Variants in KANSL1L observed in about 807,000 individuals in gnomAD.
KANSL1L encodes the protein KAT8 regulatory NSL complex subunit 1-like protein.
A neutral mutation model predicts 108.6 loss-of-function variants in KANSL1L; 25 were observed. The ratio of observed to expected loss-of-function variants is 0.23; its 90% CI spans 0.17 to 0.32. The LOEUF (loss-of-function observed/expected upper bound fraction) is 0.32, where lower values mean the gene tolerates loss of function less well. KANSL1L is among the 10% of genes least tolerant of loss of function. The pLI is 1.00. For missense variants in KANSL1L, 1,137 were observed against 1,125.7 expected, an observed-to-expected ratio of 1.01 and a Z score of -0.14; for synonymous variants, 405 against 395.1, an observed-to-expected ratio of 1.03 and a Z score of -0.30.
intron 6 of KANSL1L, among the ~76,000 whole-genome samples, chr2:210,065,579 ATTTTT>A (rs57999970): frequency 1.5e-5 from 1 of 64,906 alleles, no homozygotes. Context: ...CCTGGACATG[ATTTTT>A]TTTTTTTTTT....
chr2:210,053,610 G>GA (rs1376250944), intron 6 of KANSL1L, among the ~76,000 whole-genome samples: 7 of 150,778 alleles, frequency 4.6e-5, no homozygotes, highest in Non-Finnish European at 1.0e-4. Context: ...CAAACAAACA[G>GA]AAAAAAAATA....
intron 3 of KANSL1L, among the ~76,000 whole-genome samples, chr2:210,112,482 T>A (rs2094917883): frequency 6.6e-6 from 1 of 152,118 alleles, no homozygotes; most frequent in Non-Finnish European, 1.5e-5. Flanking sequence ...CAAACTAGAA[T>A]TTAACACCAA....
At chr2:210,162,065 A>G (rs1471637065) in intron 1 of KANSL1L, among the ~76,000 whole-genome samples, 3 of 109,674 alleles carry the variant, frequency 2.7e-5, no homozygotes, top group Non-Finnish European at 6.0e-5. Context: ...TCTCTATTTA[A>G]AAAAAAAAAA....
chr2:210,033,661 C>G (rs1193272358), intron 8 of KANSL1L, among the ~76,000 whole-genome samples: 2 of 150,968 alleles, frequency 1.3e-5, no homozygotes, highest in Non-Finnish European at 2.9e-5. Context: ...TCCCGAGTAG[C>G]TGGGACTACA....
At chr2:210,080,783 C>G (rs1384843111) in intron 5 of KANSL1L, among the ~76,000 whole-genome samples, 1 of 151,982 alleles carries the variant, frequency 6.6e-6, no homozygotes, top group Admixed American at 6.6e-5. Flanking sequence ...CTTTTGTGGT[C>G]TTAGACAAAG....
intron 6 of KANSL1L, among the ~76,000 whole-genome samples, chr2:210,049,314 C>T (rs1321172575): frequency 6.8e-6 from 1 of 147,486 alleles, no homozygotes; most frequent in African/African-American, 2.5e-5. Context: ...CCACACTTCT[C>T]TTTCCTCTCC....
At chr2:210,094,668 T>A (rs911334638) in intron 5 of KANSL1L, among the ~76,000 whole-genome samples, 3 of 152,048 alleles carry the variant, frequency 2.0e-5, no homozygotes, top group Non-Finnish European at 4.4e-5. Context: ...TTCTCAAACA[T>A]GAGTAACATT....
At position 210,073,658 on chromosome 2, in the gene KANSL1L, T is replaced by C. The variant is rs1012535298; in HGVS notation, c.1755+1894A>G. Among the ~76,000 whole-genome samples, 12 of 152,134 alleles carry C rather than the reference T, an allele frequency of 7.9e-5. No homozygotes were observed. In the East Asian group the frequency reaches 1.5e-3, roughly 20 times the overall value. ...ATAGATTTATAGAGCATTTGAATCATTACAGAAAGTTCTATGGTTCTCAAG... is the reference window on the plus strand; with the variant it reads ...ATAGATTTATAGAGCATTTGAATCACTACAGAAAGTTCTATGGTTCTCAAG... On this transcript the variant is annotated intron_variant, in intron 6 of 14. Transcript: ENST00000281772.
At position 210,154,103 on chromosome 2, in the gene KANSL1L, G is replaced by A. The variant is rs1356141691; in HGVS notation, c.480C>T (p.Asp160=). ...QIILDSNITK[D]TNVDKVQLQN... is the part of the protein sequence containing the mutation. ...GTAGTTGTACTTTATCTACATTAGT[G>A]TCTTTGGTTATATTTGAATCCAGAA... The change falls in exon 2 of 15, where the codon GAC becomes GAT. Residue 160 remains aspartate, a synonymous_variant. Transcript: ENST00000281772. 6.2e-7 allele frequency: 1 copy of A among 1,613,896 alleles called. No individual in the cohort carries two copies. Among genetic ancestry groups the A allele is most frequent in the South Asian group, 1.1e-5 (1 of 91,058 alleles).
chr2:210,043,691 A>C (rs1003613337), intron 7 of KANSL1L: 6 of 313,666 alleles, frequency 1.9e-5, no homozygotes, highest in East Asian at 1.0e-4. Flanking sequence ...AAAACCTAGT[A>C]ATTTCCCAAA....
chr2:210,058,022 G>C (rs1376923753), intron 6 of KANSL1L, among the ~76,000 whole-genome samples: 1 of 152,166 alleles, frequency 6.6e-6, no homozygotes, highest in Non-Finnish European at 1.5e-5. Flanking sequence ...AATGTTCAGG[G>C]AACAAGAGAG....
At chr2:210,121,171 T>C (rs992855955) in intron 3 of KANSL1L, among the ~76,000 whole-genome samples, 7 of 152,142 alleles carry the variant, frequency 4.6e-5, no homozygotes, top group Admixed American at 1.3e-4. Context: ...ATATATATCA[T>C]TCTATTATAA....
rs138977244 is a variant in KANSL1L, at chr2:210,031,487, T to C, written c.2089A>G (p.Arg697Gly). 2 of 1,578,686 alleles carry C rather than the reference T, an allele frequency of 1.3e-6. No homozygotes were observed. The highest frequency in any genetic ancestry group is 2.7e-5 in the African/African-American group (2 of 74,094). The part of the protein sequence containing the change: ...GYSPICKPQI[R>G]SESSAQLLQG... ...AACAGTTGTGCAGAAGATTCTGACC[T>C]TATTTGAGGCTTACATATAGGTGAA... Residue 697 changes from arginine to glycine, a missense_variant, in exon 9 of 15, where the codon AGG becomes GGG. By Grantham distance (125) the Arg-to-Gly change is moderately radical. Coordinates refer to ENST00000281772, the MANE Select transcript of KANSL1L (RefSeq NM_152519.4).
At chr2:210,121,396 C>G (rs1270197178) in intron 3 of KANSL1L, among the ~76,000 whole-genome samples, 1 of 152,122 alleles carries the variant, frequency 6.6e-6, no homozygotes, top group Non-Finnish European at 1.5e-5. Flanking sequence ...AACTCAGGAA[C>G]AGAAAACCAA....
chr2:210,130,229 C>G (rs1418007912), intron 2 of KANSL1L, among the ~76,000 whole-genome samples: 3 of 152,098 alleles, frequency 2.0e-5, no homozygotes, highest in Non-Finnish European at 4.4e-5. Flanking sequence ...GATATTAACA[C>G]TGGGAAAGGT....
At chr2:210,034,287 A>G (rs2094069281) in intron 8 of KANSL1L, among the ~76,000 whole-genome samples, 1 of 152,232 alleles carries the variant, frequency 6.6e-6, no homozygotes, top group Non-Finnish European at 1.5e-5. Context: ...AGAATGTATA[A>G]GAGTGCTAGT....
intron 6 of KANSL1L, among the ~76,000 whole-genome samples, chr2:210,049,317 T>G (rs953551642): frequency 1.3e-5 from 2 of 151,668 alleles, no homozygotes; most frequent in African/African-American, 4.8e-5. Context: ...CACTTCTCTT[T>G]CCTCTCCCTT....
intron 6 of KANSL1L, among the ~76,000 whole-genome samples, chr2:210,068,329 T>C (rs577286441): frequency 6.6e-6 from 1 of 152,286 alleles, no homozygotes; most frequent in African/African-American, 2.4e-5. Context: ...AATATATACA[T>C]ATATTCAGGA....
intron 3 of KANSL1L, among the ~76,000 whole-genome samples, chr2:210,127,035 T>TA (rs200203456): frequency 0.011 from 1,628 of 149,986 alleles, 25 homozygotes; most frequent in African/African-American, 0.035. Flanking sequence ...TGTCTCTTTT[T>TA]AAAAAAAAAG....
Sources: allele counts gnomAD v4.1 joint callset (sites outside exome capture counted in the v4.1 genomes callset), GRCh38; gene constraint gnomAD v4.1.1; transcripts MANE v1.5; gene names NCBI Gene and HGNC (gene_info 2026-07-23, HGNC 2026-07-21).